Variants in ST3GAL6 observed in about 807,000 individuals in gnomAD.
ST3GAL6 encodes the protein ST3 beta-galactoside alpha-2,3-sialyltransferase 6, also known as type 2 lactosamine alpha-2,3-sialyltransferase.
A neutral mutation model predicts 40.5 loss-of-function variants in ST3GAL6; 31 were observed. That is an observed-to-expected ratio of 0.77 (90% CI 0.58 to 1.03). ST3GAL6 has a LOEUF of 1.03. Among genes scored for constraint, ST3GAL6 ranks in the 50% least tolerant of loss-of-function variants. The pLI is 0.00. For synonymous variants in ST3GAL6, 129 were observed against 136.9 expected (o/e 0.94, Z 0.40); for missense variants, 357 against 393.2 (o/e 0.91, Z 0.78).
intron 1 of ST3GAL6, 105 bp downstream of exon 1, chr3:98,763,544 A>G (rs1938009305): frequency 1.9e-6 from 2 of 1,051,832 alleles, no homozygotes; most frequent in Non-Finnish European, 2.6e-6. Context: ...GTGGAGGTAG[A>G]AGGGGGATGT....
chr3:98,743,429 G>A (rs553485603), intron 1 of ST3GAL6, among the ~76,000 whole-genome samples: 9 of 151,952 alleles, frequency 5.9e-5, no homozygotes, highest in Admixed American at 1.3e-4. Flanking sequence ...GTCTGAACCC[G>A]CAGGGCTGAG....
intron 5 of ST3GAL6, chr3:98,782,363 A>G: frequency 1.4e-6 from 1 of 698,000 alleles, no homozygotes; most frequent in Non-Finnish European, 2.6e-6. Context: ...GGAAAATATC[A>G]GCAATATGAT....
At chr3:98,774,092 G>A (rs917457514) in intron 5 of ST3GAL6, 109 bp downstream of exon 5, 36 of 915,184 alleles carry the variant, frequency 3.9e-5, no homozygotes, top group Admixed American at 2.1e-4. Flanking sequence ...ATTTCATAGC[G>A]TTTGTGCATA....
chr3:98,741,050 C>CTG (rs748180004), intron 1 of ST3GAL6, among the ~76,000 whole-genome samples: 1 of 78,842 alleles, frequency 1.3e-5, no homozygotes. Flanking sequence ...TAGAGGGATT[C>CTG]AGTGTGTGTG....
chr3:98,762,627 G>A, upstream of ST3GAL6: 1 of 306,304 alleles, frequency 3.3e-6, no homozygotes, highest in Non-Finnish European at 4.8e-6. Context: ...TTCTAAAGAA[G>A]TGTGTTTGAT....
intron 1 of ST3GAL6, among the ~76,000 whole-genome samples, chr3:98,766,405 C>CTT (rs369996406): frequency 0.018 from 1,851 of 103,556 alleles, 197 homozygotes; most frequent in African/African-American, 0.031. Flanking sequence ...AAATGTCATT[C>CTT]TTTTTTTTTT....
At chr3:98,753,810 T>C (rs1169372488) in intron 1 of ST3GAL6, among the ~76,000 whole-genome samples, 1 of 152,188 alleles carries the variant, frequency 6.6e-6, no homozygotes, top group African/African-American at 2.4e-5. Flanking sequence ...AAAAAATAAT[T>C]GTCCTAAATC....
intron 5 of ST3GAL6, among the ~76,000 whole-genome samples, chr3:98,774,531 T>G (rs1212161521): frequency 1.3e-5 from 2 of 152,248 alleles, no homozygotes; most frequent in African/African-American, 4.8e-5. Context: ...CCATATAAAT[T>G]GAATTGCCAA....
chr3:98,777,383 T>C (rs764511502), intron 5 of ST3GAL6, among the ~76,000 whole-genome samples: 12 of 152,196 alleles, frequency 7.9e-5, no homozygotes, highest in South Asian at 2.1e-4. Context: ...ACATTACAAA[T>C]CAGGGCTTTG....
At chr3:98,743,000 CTTTTTTTTTTTTT>C (rs71120599) in intron 1 of ST3GAL6, among the ~76,000 whole-genome samples, 25 of 89,484 alleles carry the variant, frequency 2.8e-4, no homozygotes, top group African/African-American at 9.2e-4. Flanking sequence ...ATGCCAGGCT[CTTTTTTTTTTTTT>C]TTTTTTTTTT....
intron 1 of ST3GAL6, 53 bp downstream of exon 1, chr3:98,763,492 A>G: frequency 7.8e-7 from 1 of 1,286,490 alleles, no homozygotes; most frequent in Non-Finnish European, 1.0e-6. Flanking sequence ...GCTTAAATCT[A>G]GATGCTGCTG....
At chr3:98,734,866 T>C (rs1935394106) in intron 1 of ST3GAL6, among the ~76,000 whole-genome samples, 1 of 152,204 alleles carries the variant, frequency 6.6e-6, no homozygotes, top group Admixed American at 6.5e-5. Context: ...GACATTTCTG[T>C]GTTCCACATC....
chr3:98,755,810 A>AAT (rs386356145), intron 1 of ST3GAL6, among the ~76,000 whole-genome samples: 269 of 43,754 alleles, frequency 6.1e-3, no homozygotes, highest in African/African-American at 0.018. Flanking sequence ...GATTTTTTTC[A>AAT]TTTTTTTTTT....
upstream of ST3GAL6, chr3:98,762,659 T>A (rs1937915807): frequency 2.2e-6 from 1 of 460,248 alleles, no homozygotes; most frequent in Non-Finnish European, 2.9e-6. Context: ...TTAATGTGTA[T>A]CATCCCCTTG....
At chr3:98,759,266 TA>T (rs897741533), upstream of ST3GAL6, among the ~76,000 whole-genome samples, 11 of 152,034 alleles carry the variant, frequency 7.2e-5, no homozygotes, top group African/African-American at 2.7e-4. Flanking sequence ...AGGATTAAGA[TA>T]ACAGCTTGAA....
chr3:98,773,741 G>C (rs1303585382), intron 4 of ST3GAL6, among the ~76,000 whole-genome samples, 179 bp from the exon 5 acceptor site: 5 of 152,194 alleles, frequency 3.3e-5, no homozygotes, highest in South Asian at 4.1e-4. Flanking sequence ...TTACGATTTT[G>C]AATGGGCCTG....
rs1008169417 is a variant in ST3GAL6, at chr3:98,754,420, T to C, written c.-11-14010T>C. Among the ~76,000 whole-genome samples, 9 of 152,222 alleles carry C rather than the reference T, an allele frequency of 5.9e-5. 1 individual carries two copies. In the South Asian group the frequency reaches 1.9e-3, roughly 31 times the overall value. On this transcript the variant is annotated intron_variant, in intron 1 of 9. Transcript: ENST00000265261. ...AAACTCATAATAAAACTTTAATGAA[T>C]GAGGATTGCTTCTTATGCAGGAGCA...
intron 8 of ST3GAL6, among the ~76,000 whole-genome samples, chr3:98,789,572 A>C (rs990372114): frequency 9.2e-5 from 14 of 152,204 alleles, no homozygotes; most frequent in Admixed American, 8.5e-4. Context: ...TCTTTAAATA[A>C]TATAGCAGTA....
At chr3:98,735,589 G>A (rs1022925429) in intron 1 of ST3GAL6, among the ~76,000 whole-genome samples, 3 of 152,150 alleles carry the variant, frequency 2.0e-5, no homozygotes, top group Admixed American at 6.5e-5. Context: ...TTTCACTGAA[G>A]CTCCTACTCA....
Sources: allele counts gnomAD v4.1 joint callset (sites outside exome capture counted in the v4.1 genomes callset), GRCh38; gene constraint gnomAD v4.1.1; transcripts MANE v1.5; gene names NCBI Gene and HGNC (gene_info 2026-07-23, HGNC 2026-07-21).